Variants in CDK5RAP2 observed in about 807,000 individuals in gnomAD.
CDK5RAP2 encodes the protein CDK5 regulatory subunit associated protein 2.
In CDK5RAP2, 147 loss-of-function variants were observed where a neutral mutation model predicts 232.9. That is an observed-to-expected ratio of 0.63 (90% CI 0.55 to 0.72). CDK5RAP2 has a LOEUF of 0.72. Among genes scored for constraint, CDK5RAP2 ranks in the 30% least tolerant of loss-of-function variants. The pLI is 0.00. For missense variants in CDK5RAP2, 2,195 were observed against 2,231.5 expected (o/e 0.98, Z 0.33); for synonymous variants, 833 against 833.7 (o/e 1.00, Z 0.01).
chr9:120,518,204 TGTGTGTGAGAGAGAGAGAGA>T (rs2040436906), intron 12 of CDK5RAP2, among the ~76,000 whole-genome samples: 1 of 107,266 alleles, frequency 9.3e-6, no homozygotes, highest in African/African-American at 4.1e-5. Context: ...TGTGTGTGTG[TGTGTGTGAGAGAGAGAGAGA>T]GAGAGAGAGA....
At chr9:120,456,337 G>A (rs1234310043) in intron 20 of CDK5RAP2, among the ~76,000 whole-genome samples, 1 of 152,172 alleles carries the variant, frequency 6.6e-6, no homozygotes, top group African/African-American at 2.4e-5. Flanking sequence ...GAAACAGTCA[G>A]GCTGTACTCT....
intron 15 of CDK5RAP2, among the ~76,000 whole-genome samples, chr9:120,473,628 G>A (rs2037844113): frequency 6.6e-6 from 1 of 152,204 alleles, no homozygotes; most frequent in Non-Finnish European, 1.5e-5. Flanking sequence ...AAGGGAAAGG[G>A]CCCTACTAGC....
intron 14 of CDK5RAP2, among the ~76,000 whole-genome samples, chr9:120,485,521 T>C (rs964589582): frequency 7.2e-5 from 11 of 152,106 alleles, no homozygotes; most frequent in Non-Finnish European, 1.5e-4. Context: ...TCTCGATCTC[T>C]TGACCTTGTG....
chr9:120,493,808 T>C (rs543298336), intron 12 of CDK5RAP2, among the ~76,000 whole-genome samples: 1 of 152,216 alleles, frequency 6.6e-6, no homozygotes, highest in African/African-American at 2.4e-5. Flanking sequence ...GCTTACTTAT[T>C]AAACAATAAG....
At chr9:120,488,751 G>T (rs986163474) in intron 13 of CDK5RAP2, among the ~76,000 whole-genome samples, 1 of 152,212 alleles carries the variant, frequency 6.6e-6, no homozygotes, top group African/African-American at 2.4e-5. Flanking sequence ...CGCAGATACT[G>T]CTCATAACTT....
At chr9:120,550,612 T>C (rs952392720) in intron 4 of CDK5RAP2, among the ~76,000 whole-genome samples, 180 bp downstream of exon 4, 2 of 152,256 alleles carry the variant, frequency 1.3e-5, no homozygotes, top group African/African-American at 2.4e-5. Context: ...AAATTAATCA[T>C]GTACCCCTTT....
chr9:120,417,718 ATCTC>A (rs939360571), intron 27 of CDK5RAP2, among the ~76,000 whole-genome samples: 1 of 152,060 alleles, frequency 6.6e-6, no homozygotes, highest in African/African-American at 2.4e-5. Flanking sequence ...TGGGAGAAAA[ATCTC>A]TCTCTCTTAG....
chr9:120,501,985 T>G (rs2039595961), intron 12 of CDK5RAP2, among the ~76,000 whole-genome samples: 1 of 152,230 alleles, frequency 6.6e-6, no homozygotes, highest in African/African-American at 2.4e-5. Context: ...GGAAACAGGC[T>G]GAGACAGGTA....
At chr9:120,404,975 A>T (rs1380732221) in intron 32 of CDK5RAP2, among the ~76,000 whole-genome samples, 1 of 152,224 alleles carries the variant, frequency 6.6e-6, no homozygotes, top group Non-Finnish European at 1.5e-5. Context: ...AGGGGCAGAG[A>T]TAGAAAGTGA....
At chr9:120,518,689 C>T (rs2040478074) in intron 11 of CDK5RAP2, 44 bp from the exon 12 acceptor site, 2 of 1,492,126 alleles carry the variant, frequency 1.3e-6, no homozygotes, top group Non-Finnish European at 1.9e-6. Flanking sequence ...ATTTTCATAC[C>T]TCATGAAACA....
chr9:120,519,474 C>T (rs2040521927), intron 11 of CDK5RAP2, among the ~76,000 whole-genome samples: 1 of 151,930 alleles, frequency 6.6e-6, no homozygotes, highest in African/African-American at 2.4e-5. Flanking sequence ...CAAATAGATT[C>T]GGGTATATGA....
At chr9:120,400,626 A>G in intron 35 of CDK5RAP2, 116 bp downstream of exon 35, 1 of 1,302,752 alleles carries the variant, frequency 7.7e-7, no homozygotes, top group Non-Finnish European at 1.1e-6. Context: ...TCTCCTCCCT[A>G]ATACATACCC....
In CDK5RAP2 at chr9:120,408,336, G is replaced by A; in HGVS notation, c.4726+11C>T. The A allele has an allele frequency of 6.2e-7, 1 of 1,613,810 alleles. No homozygotes were observed. Among genetic ancestry groups the A allele is most frequent in the East Asian group, 2.2e-5 (1 of 44,866 alleles). Reference sequence around the variant, plus strand: ...AGCACAGTAGCCTCAAGGTGAGAAGGGCCTCAGTACCTCTCAGTCTCCTGT... The same window carrying A: ...AGCACAGTAGCCTCAAGGTGAGAAGAGCCTCAGTACCTCTCAGTCTCCTGT... On this transcript the variant is annotated intron_variant, in intron 31 of 37. Transcript: ENST00000349780.
intron 1 of CDK5RAP2, among the ~76,000 whole-genome samples, chr9:120,577,570 G>A (rs2043082718): frequency 6.6e-6 from 1 of 152,196 alleles, no homozygotes; most frequent in Non-Finnish European, 1.5e-5. Flanking sequence ...TGGTTAAGAT[G>A]GAATGTATGC....
intron 1 of CDK5RAP2, among the ~76,000 whole-genome samples, chr9:120,573,266 G>T (rs72755742): frequency 6.6e-6 from 1 of 152,082 alleles, no homozygotes; most frequent in South Asian, 2.1e-4. Context: ...AAATGTGTCC[G>T]GGCTGGGTGC....
At chr9:120,552,457 C>T (rs1175424377) in intron 3 of CDK5RAP2, among the ~76,000 whole-genome samples, 6 of 151,918 alleles carry the variant, frequency 3.9e-5, no homozygotes, top group South Asian at 4.2e-4. Context: ...TGTCCAACAA[C>T]GATAGACTGG....
At chr9:120,423,154 T>C (rs937505116) in intron 25 of CDK5RAP2, among the ~76,000 whole-genome samples, 1 of 152,224 alleles carries the variant, frequency 6.6e-6, no homozygotes, top group Non-Finnish European at 1.5e-5. Context: ...GCATGGAAGA[T>C]ACCATATTAC....
Position 120,518,485 on chromosome 9 carries a change from A to G in CDK5RAP2, c.1253T>C (p.Leu418Pro), listed in dbSNP as rs2040463974. ...ATGGGCTTCCTCCAGGTCCTTCTCC[A>G]GTCTCTCCCTCTCCTGCTGCAAGTC... ...LSDLQQERERLEKDLEEAHRE... is the reference protein window; with the variant it reads ...LSDLQQERERPEKDLEEAHRE... Residue 418 changes from leucine to proline, a missense_variant, in exon 12 of 38, where the codon CTG becomes CCG. Leu to Pro is a moderately conservative substitution (Grantham distance 98, BLOSUM62 -3). Transcript: ENST00000349780. 2 of 1,613,492 alleles carry G rather than the reference A, an allele frequency of 1.2e-6. No individual in the cohort carries two copies. Among genetic ancestry groups the G allele is most frequent in the Admixed American group, 1.7e-5 (1 of 59,964 alleles).
At chr9:120,565,657 C>G (rs1320629311) in intron 3 of CDK5RAP2, among the ~76,000 whole-genome samples, 1 of 152,196 alleles carries the variant, frequency 6.6e-6, no homozygotes, top group African/African-American at 2.4e-5. Context: ...TCATGCCTCT[C>G]TCTACATTTG....
Sources: allele counts gnomAD v4.1 joint callset (sites outside exome capture counted in the v4.1 genomes callset), GRCh38; gene constraint gnomAD v4.1.1; transcripts MANE v1.5; gene names NCBI Gene and HGNC (gene_info 2026-07-23, HGNC 2026-07-21).